Variants in MAPK14 observed in about 807,000 individuals in gnomAD.
MAPK14 encodes the protein CSAID-binding protein.
Under a neutral mutation model 49.6 loss-of-function variants are expected in MAPK14, and 16 were observed. That is an observed-to-expected ratio of 0.32 (90% confidence interval 0.22 to 0.49). The LOEUF is 0.49. Among genes scored for constraint, MAPK14 ranks in the 20% least tolerant of loss-of-function variants. The pLI is 0.99. For synonymous variants in MAPK14, 142 were observed against 158.0 expected (o/e 0.90, Z 0.76); for missense variants, 200 against 441.2 (o/e 0.45, Z 4.90).
At chr6:36,101,445 A>G (rs542377233) in intron 9 of MAPK14, among the ~76,000 whole-genome samples, 1 of 151,976 alleles carries the variant, frequency 6.6e-6, no homozygotes, top group Non-Finnish European at 1.5e-5. Flanking sequence ...CTCTAAAAAA[A>G]TTTTTTTAAT....
chr6:36,084,069 T>A (rs557959128), intron 8 of MAPK14, among the ~76,000 whole-genome samples: 3 of 151,884 alleles, frequency 2.0e-5, no homozygotes, highest in African/African-American at 7.2e-5. Context: ...AGGCAAAGAG[T>A]CTGGAGTGGA....
At chr6:36,041,088 T>C (rs1762943382) in intron 1 of MAPK14, among the ~76,000 whole-genome samples, 1 of 152,222 alleles carries the variant, frequency 6.6e-6, no homozygotes, top group Admixed American at 6.5e-5. Flanking sequence ...AGGCACATTA[T>C]GTATTCTGGT....
intron 9 of MAPK14, among the ~76,000 whole-genome samples, chr6:36,101,264 A>C (rs1487161838): frequency 6.6e-6 from 1 of 152,050 alleles, no homozygotes; most frequent in Non-Finnish European, 1.5e-5. Context: ...ACACAGCAAT[A>C]CTGCAGCTCT....
intron 8 of MAPK14, among the ~76,000 whole-genome samples, chr6:36,077,474 G>C (rs991210332): frequency 6.6e-6 from 1 of 151,932 alleles, no homozygotes; most frequent in Admixed American, 6.6e-5. Context: ...TATGCCTAGA[G>C]ATCTAAAAGC....
chr6:36,075,417 G>A (rs1302568328), intron 6 of MAPK14, among the ~76,000 whole-genome samples: 1 of 152,012 alleles, frequency 6.6e-6, no homozygotes, highest in Non-Finnish European at 1.5e-5. Flanking sequence ...TTTGCTTGGT[G>A]TAATGATTCG....
Position 36,073,687 on chromosome 6 carries a change from G to A in MAPK14, c.418-4G>A. 5.0e-6 allele frequency: 8 copies of A among 1,610,162 alleles called. No homozygotes were observed. In the South Asian group the frequency reaches 5.5e-5, roughly 11 times the overall value. ...GGTAACTTTGACTTTTTTCTCTTTTGCAGTATATACATTCAGCTGACATAA... is the reference window on the plus strand; with the variant it reads ...GGTAACTTTGACTTTTTTCTCTTTTACAGTATATACATTCAGCTGACATAA... On this transcript the variant is annotated splice_region_variant and splice_polypyrimidine_tract_variant and intron_variant, in intron 4 of 11. Transcript: ENST00000229794.
intron 1 of MAPK14, among the ~76,000 whole-genome samples, chr6:36,049,475 T>C (rs796240664): frequency 6.6e-6 from 1 of 152,170 alleles, no homozygotes; most frequent in African/African-American, 2.4e-5. Flanking sequence ...TAGAATAACA[T>C]GGAGAGCTTG....
chr6:36,106,060 T>C (rs149549475), intron 10 of MAPK14, among the ~76,000 whole-genome samples: 61 of 152,324 alleles, frequency 4.0e-4, no homozygotes, highest in African/African-American at 1.3e-3. Context: ...TCCCGCAGAT[T>C]ACTTGCTTTG....
At position 36,107,577 on chromosome 6, in the gene MAPK14, C is replaced by A. The variant is rs780844650; in HGVS notation, c.964C>A (p.Pro322Thr). ...TCCTGATGATGAACCAGTGGCCGAT[C>A]CTTATGATCAGTCCTTTGAAAGCAG... ...HDPDDEPVAD[P>T]YDQSFESRDL... is the part of the protein sequence containing the mutation. Residue 322 changes from proline (P) to threonine (T), a missense_variant, in exon 11 of 12, where the codon CCT becomes ACT. By Grantham distance (38) the Pro-to-Thr change is conservative (BLOSUM62 -1). Coordinates refer to ENST00000229794, the MANE Select transcript of MAPK14 (RefSeq NM_139012.3). This position sits in a 1 kb window ranked among gnomAD's most constrained non-coding sequence, Gnocchi z 4.3. 3.1e-6 allele frequency: 5 copies of A among 1,604,432 alleles called. No individual in the cohort carries two copies. In the East Asian group the frequency reaches 9.0e-5, roughly 29 times the overall value.
Position 36,059,359 on chromosome 6 carries a change from T to G in MAPK14, c.305+12T>G. The G allele has an allele frequency of 6.2e-7, 1 of 1,605,712 alleles. No individual in the cohort carries two copies. ...GAATTCAATGATGTGTGAGTAAATT[T>G]TTTGCATTTGCCTTCCTGGTCTACA... is the stretch of plus-strand genomic sequence containing the variant. On this transcript the variant is annotated intron_variant, in intron 3 of 11. Coordinates refer to ENST00000229794, the MANE Select transcript of MAPK14 (RefSeq NM_139012.3).
intron 3 of MAPK14, among the ~76,000 whole-genome samples, chr6:36,071,158 C>T (rs897907137): frequency 6.6e-6 from 1 of 152,026 alleles, no homozygotes; most frequent in South Asian, 2.1e-4. Flanking sequence ...CATGATGAAA[C>T]CCCGCCTCTA....
At chr6:36,069,569 A>C (rs1161936889) in intron 3 of MAPK14, among the ~76,000 whole-genome samples, 1 of 152,208 alleles carries the variant, frequency 6.6e-6, no homozygotes, top group African/African-American at 2.4e-5. Context: ...AGACTGATTA[A>C]TCTTATAAAC....
At chr6:36,114,800 G>T (rs1487917722), downstream of MAPK14, among the ~76,000 whole-genome samples, 1 of 152,010 alleles carries the variant, frequency 6.6e-6, no homozygotes, top group Non-Finnish European at 1.5e-5. Context: ...GAAGTTCTTT[G>T]CCATTATCCA....
intron 2 of MAPK14, among the ~76,000 whole-genome samples, chr6:36,054,669 T>C (rs1403874928): frequency 6.6e-6 from 1 of 152,212 alleles, no homozygotes; most frequent in Non-Finnish European, 1.5e-5. Context: ...ATTCCTGCAT[T>C]TTAGCCTATT....
At chr6:36,115,194 A>T (rs1478676509), downstream of MAPK14, among the ~76,000 whole-genome samples, 1 of 152,220 alleles carries the variant, frequency 6.6e-6, no homozygotes, top group African/African-American at 2.4e-5. Flanking sequence ...AGAAGTTATT[A>T]TAAGTTAAAT....
chr6:36,045,832 A>G (rs1763159127), intron 1 of MAPK14, among the ~76,000 whole-genome samples: 1 of 150,552 alleles, frequency 6.6e-6, no homozygotes, highest in Non-Finnish European at 1.5e-5. Flanking sequence ...AAAAAAAAAA[A>G]AGAAAGAAAG....
intron 3 of MAPK14, among the ~76,000 whole-genome samples, chr6:36,061,796 TC>T (rs1438517016): frequency 2.0e-5 from 3 of 152,210 alleles, no homozygotes; most frequent in Non-Finnish European, 4.4e-5. Flanking sequence ...GTAGGCCCAG[TC>T]ATTTCACTGT....
At chr6:36,085,097 A>G (rs1361690538) in intron 8 of MAPK14, among the ~76,000 whole-genome samples, 1 of 152,210 alleles carries the variant, frequency 6.6e-6, no homozygotes, top group Non-Finnish European at 1.5e-5. Flanking sequence ...AAGAAATAAA[A>G]TCCTTTTTAG....
At position 36,096,059 on chromosome 6, in the gene MAPK14, C is replaced by T. The variant is rs1374234730; in HGVS notation, c.755C>T (p.Ser252Leu). Residue 252 changes from serine (S) to leucine (L), a missense_variant, in exon 9 of 12, where the codon TCA (serine) becomes TTA (leucine). Ser to Leu is a moderately radical substitution (Grantham distance 145). This residue lies in a region of MAPK14 where 170 missense variants were observed against 407.0 expected (regional missense o/e 0.42). Transcript: ENST00000229794. ...GCTGAGCTTTTGAAGAAAATCTCCT[C>T]AGAGTCTGTGAGTTGATGCTTTGTA... ...PGAELLKKIS[S>L]ESARNYIQSL... is the part of the protein sequence containing the mutation. The T allele has an allele frequency of 6.2e-7, 1 of 1,612,066 alleles. No homozygotes were observed. Among genetic ancestry groups the T allele is most frequent in the Admixed American group, 1.7e-5 (1 of 59,986 alleles).
Sources: gnomAD v4.1 joint callset for allele counts (sites outside exome capture counted in the v4.1 genomes callset) on GRCh38, gnomAD v4.1.1 for gene constraint, gnomAD v4.1.1 regional missense constraint, Gnocchi (gnomAD v3.1) non-coding constraint, MANE v1.5 for transcripts, NCBI Gene and HGNC (gene_info 2026-07-23, HGNC 2026-07-21) for gene names.